The following ANO6 variants were observed in gnomAD, a reference collection of about 807,000 sequenced individuals.
The protein encoded by ANO6 is anoctamin-6.
Under a neutral mutation model 117.5 loss-of-function variants are expected in ANO6, and 106 were observed. The observed-to-expected ratio is 0.90, with a 90% confidence interval of 0.77 to 1.06. The LOEUF (loss-of-function observed/expected upper bound fraction) is 1.06. Among genes scored for constraint, ANO6 ranks in the 50% least tolerant of loss-of-function variants. The pLI, the probability that ANO6 is intolerant of heterozygous loss-of-function variation, is 0.00. For synonymous variants in ANO6, 367 were observed against 385.1 expected, an observed-to-expected ratio of 0.95 and a Z score of 0.55; for missense variants, 955 against 1,121.1, an observed-to-expected ratio of 0.85 and a Z score of 2.12.
intron 1 of ANO6, among the ~76,000 whole-genome samples, chr12:45,277,943 G>C (rs973924808): frequency 6.6e-5 from 10 of 151,994 alleles, no homozygotes; most frequent in Admixed American, 6.6e-4. Flanking sequence ...ATTTTTTTAA[G>C]TTAAAAAAAT....
At position 45,372,599 on chromosome 12, in the gene ANO6, T is replaced by C. The variant is rs1233810601; in HGVS notation, c.1104+4806T>C. 3.4e-5 allele frequency among the ~76,000 whole-genome samples: 5 copies of C among 148,562 alleles called. No homozygotes were observed. In the East Asian group the frequency reaches 7.9e-4, roughly 24 times the overall value. On this transcript the variant is annotated intron_variant, in intron 9 of 19. Coordinates refer to ENST00000320560, the MANE Select transcript of ANO6 (RefSeq NM_001025356.3). ...AGAATTTTCAACCCAGAATTTCATATCCAGCCAAACTAAGCTTCATAAGTG... is the reference window on the plus strand; with the variant it reads ...AGAATTTTCAACCCAGAATTTCATACCCAGCCAAACTAAGCTTCATAAGTG...
At chr12:45,424,875 C>G (rs1274735235) in intron 19 of ANO6, among the ~76,000 whole-genome samples, 2 of 151,910 alleles carry the variant, frequency 1.3e-5, no homozygotes, top group Non-Finnish European at 2.9e-5. Context: ...AAAAATGTCC[C>G]CAGGTTTTTC....
rs148829682 is a variant in ANO6 at position 45,410,076 on chromosome 12, A to C, written c.2011+589A>C. On this transcript the variant is annotated intron_variant, in intron 16 of 19. Coordinates refer to ENST00000320560, the MANE Select transcript of ANO6 (RefSeq NM_001025356.3). Reference sequence around the variant, plus strand: ...CGGCCATCTTTACCACGAATTCTTAAAGCATTCTAATCATGTTGTCTGAGA... The same window carrying C: ...CGGCCATCTTTACCACGAATTCTTACAGCATTCTAATCATGTTGTCTGAGA... Among the ~76,000 whole-genome samples, 459 of 152,276 alleles carry C rather than the reference A, an allele frequency of 3.0e-3. 2 individuals carry two copies. Among genetic ancestry groups the C allele is most frequent in the African/African-American group, 0.01 (428 of 41,550 alleles).
chr12:45,349,597 T>C (rs143573723), intron 6 of ANO6, among the ~76,000 whole-genome samples: 25 of 152,306 alleles, frequency 1.6e-4, no homozygotes, highest in African/African-American at 6.0e-4. Context: ...AAGACTGAGA[T>C]TGGTAATTGC....
chr12:45,283,229 A>C (rs1221225676), intron 1 of ANO6, among the ~76,000 whole-genome samples: 1 of 152,238 alleles, frequency 6.6e-6, no homozygotes, highest in Non-Finnish European at 1.5e-5. Flanking sequence ...ACATTTCCTA[A>C]GGAGAGGCTT....
At chr12:45,328,929 C>T (rs1940568869) in intron 2 of ANO6, among the ~76,000 whole-genome samples, 4 of 152,112 alleles carry the variant, frequency 2.6e-5, no homozygotes, top group Admixed American at 2.6e-4. Context: ...AGACAGTAAA[C>T]CTTTCTTGCA....
intron 1 of ANO6, among the ~76,000 whole-genome samples, chr12:45,221,190 G>C (rs571312970): frequency 6.6e-6 from 1 of 152,298 alleles, no homozygotes; most frequent in South Asian, 2.1e-4. Context: ...CTACTTGCTT[G>C]TCATGTGGGA....
chr12:45,348,569 A>G lies in ANO6; in HGVS notation c.685A>G (p.Lys229Glu). The G allele has an allele frequency of 6.2e-7, 1 of 1,614,062 alleles. No individual in the cohort carries two copies. Among genetic ancestry groups the G allele is most frequent in the Non-Finnish European group, 8.5e-7 (1 of 1,179,962 alleles). Residue 229 changes from lysine to glutamate, a missense_variant, in exon 6 of 20, where the codon AAG (lysine) becomes GAG (glutamate). Lys to Glu is a moderately conservative substitution (Grantham distance 56). Transcript: ENST00000320560. ...GTATCAAGTGATAAACAATGTTAGC[A>G]AGTTTGGGATCAACAGACTTGTAAA... ...VKYQVINNVS[K>E]FGINRLVNSG...
chr12:45,308,007 T>G (rs1395649067), intron 2 of ANO6, among the ~76,000 whole-genome samples: 1 of 147,056 alleles, frequency 6.8e-6, no homozygotes, highest in East Asian at 2.0e-4. Context: ...ACAGAGAATT[T>G]AGGTAACACT....
At chr12:45,333,760 T>C (rs1236821715) in intron 3 of ANO6, among the ~76,000 whole-genome samples, 3 of 152,060 alleles carry the variant, frequency 2.0e-5, no homozygotes, top group Admixed American at 2.0e-4. Flanking sequence ...GAATCATGTT[T>C]TTCTTCATTG....
intron 8 of ANO6, among the ~76,000 whole-genome samples, chr12:45,363,655 C>A (rs1941613529): frequency 6.6e-6 from 1 of 152,084 alleles, no homozygotes. Context: ...AATCTCATCT[C>A]AAATTGTAGC....
intron 18 of ANO6, among the ~76,000 whole-genome samples, chr12:45,421,575 A>G (rs1255898643): frequency 2.0e-5 from 3 of 152,234 alleles, no homozygotes; most frequent in African/African-American, 7.2e-5. Context: ...TTTAAAGTTG[A>G]GAGTTTCAAA....
rs1378556656 is a variant in ANO6 at position 45,421,063 on chromosome 12, C to T, written c.2218-8C>T. ...CTTCATTTTCGCTTTGTTTTTCTCC[C>T]AAAATAGGCCATGATCATAGCTTTC... On this transcript the variant is annotated splice_region_variant and splice_polypyrimidine_tract_variant and intron_variant, in intron 17 of 19. Transcript: ENST00000320560. The T allele has an allele frequency of 1.1e-5, 17 of 1,613,776 alleles. No individual in the cohort carries two copies. The highest frequency in any genetic ancestry group is 2.7e-5 in the African/African-American group (2 of 74,924).
chr12:45,345,638 A>G (rs117281001), intron 3 of ANO6, among the ~76,000 whole-genome samples: 2,444 of 152,318 alleles, frequency 0.016, 59 homozygotes, highest in East Asian at 0.097. Context: ...TTTAAATCAT[A>G]TCTTCACAAG....
intron 13 of ANO6, 134 bp downstream of exon 13, chr12:45,402,154 T>C (rs1345563350): frequency 1.4e-6 from 1 of 719,882 alleles, no homozygotes; most frequent in Admixed American, 2.7e-5. Context: ...AAACATATTT[T>C]CTCTAGCATG....
intron 17 of ANO6, among the ~76,000 whole-genome samples, chr12:45,418,714 T>A (rs1299807802): frequency 6.6e-6 from 1 of 152,220 alleles, no homozygotes; most frequent in African/African-American, 2.4e-5. Context: ...GAGGATTGGC[T>A]GTTTCCAAGG....
chr12:45,379,435 T>C (rs1051620221), intron 10 of ANO6, among the ~76,000 whole-genome samples: 3 of 152,224 alleles, frequency 2.0e-5, no homozygotes, highest in Non-Finnish European at 4.4e-5. Flanking sequence ...GAGACCAAAC[T>C]CTGACTAATA....
Position 45,431,569 on chromosome 12 carries a change from A to C in ANO6, c.*2258A>C, listed in dbSNP as rs149262429. On this transcript the variant is annotated 3_prime_UTR_variant, in exon 20 of 20. Transcript: ENST00000320560. ...CCCTCTACATATTGAAAGGCACCAAATGTAATATCTGACACTGTTAAGATG... is the reference window on the plus strand; with the variant it reads ...CCCTCTACATATTGAAAGGCACCAACTGTAATATCTGACACTGTTAAGATG... 9.2e-5 allele frequency: 91 copies of C among 985,468 alleles called. No individual in the cohort carries two copies. The African/African-American group carries it at 1.4e-3, about 15-fold the overall frequency. The allele number at this position is 985,468 out of a possible 1,614,324, so 61.0% of individuals were successfully genotyped here.
intron 1 of ANO6, among the ~76,000 whole-genome samples, chr12:45,224,393 C>T (rs1373381436): frequency 6.6e-6 from 1 of 151,990 alleles, no homozygotes; most frequent in Non-Finnish European, 1.5e-5. Flanking sequence ...TAAATATATA[C>T]ACATGTATAA....
Sources: gnomAD v4.1 joint callset for allele counts (sites outside exome capture counted in the v4.1 genomes callset) on GRCh38, gnomAD v4.1.1 for gene constraint, MANE v1.5 for transcripts, NCBI Gene and HGNC (gene_info 2026-07-23, HGNC 2026-07-21) for gene names.